LIPC: variants seen among roughly 807,000 people sequenced by gnomAD.
The protein encoded by LIPC is hepatic triacylglycerol lipase.
A neutral mutation model predicts 50.7 loss-of-function variants in LIPC; 44 were observed. The ratio of observed to expected loss-of-function variants is 0.87; its 90% CI spans 0.68 to 1.11. The LOEUF (loss-of-function observed/expected upper bound fraction) is 1.11. LIPC is among the 50% of genes most tolerant of loss of function. The pLI is 0.00. For missense variants in LIPC, 697 were observed against 648.2 expected, an observed-to-expected ratio of 1.08 and a Z score of -0.82; for synonymous variants, 271 against 256.4, an observed-to-expected ratio of 1.06 and a Z score of -0.54.
At chr15:58,512,931 A>G (rs1383879096) in intron 1 of LIPC, among the ~76,000 whole-genome samples, 2 of 151,686 alleles carry the variant, frequency 1.3e-5, no homozygotes, top group East Asian at 1.9e-4. Flanking sequence ...TTTCATCTCC[A>G]TTATATTGGG....
At chr15:58,543,278 T>C (rs1432932178) in intron 4 of LIPC, among the ~76,000 whole-genome samples, 3 of 151,900 alleles carry the variant, frequency 2.0e-5, no homozygotes, top group Non-Finnish European at 2.9e-5. Context: ...GCTGGTGAGA[T>C]TGTTCCCCAG....
At chr15:58,499,988 C>T (rs1566930583) in intron 1 of LIPC, among the ~76,000 whole-genome samples, 1 of 152,060 alleles carries the variant, frequency 6.6e-6, no homozygotes, top group Non-Finnish European at 1.5e-5. Context: ...AGATCCAGAA[C>T]TTGTGTCCAG....
intron 1 of LIPC, among the ~76,000 whole-genome samples, chr15:58,464,518 C>T (rs1452911361): frequency 3.3e-5 from 5 of 152,242 alleles, no homozygotes; most frequent in African/African-American, 1.2e-4. Context: ...AGCATCAGAG[C>T]TCCATTCTTT....
At chr15:58,486,324 G>C (rs558198643) in intron 1 of LIPC, among the ~76,000 whole-genome samples, 1 of 152,270 alleles carries the variant, frequency 6.6e-6, no homozygotes, top group South Asian at 2.1e-4. Context: ...CGGATGTTCT[G>C]GTTTGTGGGA....
intron 1 of LIPC, among the ~76,000 whole-genome samples, chr15:58,520,203 T>C (rs551832406): frequency 3.7e-4 from 55 of 150,676 alleles, no homozygotes; most frequent in Non-Finnish European, 6.3e-4. Context: ...GAAACCTTCC[T>C]ACAAACAGAA....
At position 58,568,982 on chromosome 15, in the gene LIPC, GC is replaced by G. The variant is rs1894475088; in HGVS notation, c.*156del. 1.9e-6 allele frequency: 1 copy of G among 531,890 alleles called. No individual in the cohort carries two copies. Among genetic ancestry groups the G allele is most frequent in the Admixed American group, 3.4e-5 (1 of 29,352 alleles). 32.9% of individuals were successfully genotyped at this position (531,890 alleles called of 1,614,324 possible). A position where few individuals can be genotyped will look rare whatever the true frequency, so the allele number is the denominator to read the frequency against. The stretch of plus-strand genomic sequence containing the variant: ...GGTATGTTTCACTCTCATAAACTGA[GC>G]TTTTAAAAACGATATGATATAACTA... On this transcript the variant is annotated 3_prime_UTR_variant, in exon 9 of 9. Transcript: ENST00000299022.
At chr15:58,482,263 G>C (rs567502301) in intron 1 of LIPC, among the ~76,000 whole-genome samples, 1 of 152,238 alleles carries the variant, frequency 6.6e-6, no homozygotes, top group East Asian at 1.9e-4. Context: ...GCCCTTTTTA[G>C]AGACAGTCCA....
chr15:58,472,983 G>T (rs114296273), intron 1 of LIPC, among the ~76,000 whole-genome samples: 21 of 152,168 alleles, frequency 1.4e-4, no homozygotes, highest in African/African-American at 4.8e-4. Context: ...GCATGGTTTT[G>T]TTAACTTTGA....
intron 1 of LIPC, among the ~76,000 whole-genome samples, chr15:58,496,706 C>A (rs887505859): frequency 7.1e-6 from 1 of 140,542 alleles, no homozygotes; most frequent in South Asian, 2.3e-4. Context: ...CAAAATTAAG[C>A]AGAGAACCCA....
At chr15:58,452,957 T>C (rs1194006017) in intron 1 of LIPC, among the ~76,000 whole-genome samples, 1 of 152,192 alleles carries the variant, frequency 6.6e-6, no homozygotes, top group African/African-American at 2.4e-5. Context: ...CTGAGGGCCC[T>C]ATCGGTGTGA....
chr15:58,475,358 C>G (rs546971012), intron 1 of LIPC, among the ~76,000 whole-genome samples: 2 of 152,346 alleles, frequency 1.3e-5, no homozygotes, highest in South Asian at 4.1e-4. Flanking sequence ...TCTGTGGCCT[C>G]CATAGAAAAG....
chr15:58,477,206 A>G (rs1042847604), intron 1 of LIPC, among the ~76,000 whole-genome samples: 1 of 152,196 alleles, frequency 6.6e-6, no homozygotes, highest in African/African-American at 2.4e-5. Context: ...GCTATCTCCT[A>G]CCTTTTTAAA....
intron 1 of LIPC, among the ~76,000 whole-genome samples, chr15:58,444,604 TTC>T (rs2140653447): frequency 6.6e-6 from 1 of 152,248 alleles, no homozygotes; most frequent in South Asian, 2.1e-4. Flanking sequence ...GCTGCGTCTC[TTC>T]TGTCTGCACA....
At chr15:58,459,540 C>G (rs1894262044) in intron 1 of LIPC, among the ~76,000 whole-genome samples, 1 of 152,012 alleles carries the variant, frequency 6.6e-6, no homozygotes. Flanking sequence ...CCACCCGCTC[C>G]TGAAAACAGA....
chr15:58,559,908 A>G (rs1455131471), intron 6 of LIPC, among the ~76,000 whole-genome samples: 4 of 152,152 alleles, frequency 2.6e-5, no homozygotes, highest in African/African-American at 9.7e-5. Context: ...CAAGCTAAGC[A>G]AACACCATCT....
At chr15:58,555,255 A>C (rs1009341787) in intron 6 of LIPC, among the ~76,000 whole-genome samples, 9 of 152,336 alleles carry the variant, frequency 5.9e-5, no homozygotes, top group Middle Eastern at 3.4e-3. Flanking sequence ...CGCCAAGACA[A>C]GGGCATGAAA....
chr15:58,554,601 GTAAA>G (rs1264409141), intron 6 of LIPC, among the ~76,000 whole-genome samples: 3 of 150,190 alleles, frequency 2.0e-5, no homozygotes, highest in Non-Finnish European at 4.4e-5. Context: ...CCAAATAAGA[GTAAA>G]TAATTAGGAC....
At chr15:58,516,974 C>A (rs1251927384) in intron 1 of LIPC, among the ~76,000 whole-genome samples, 1 of 152,162 alleles carries the variant, frequency 6.6e-6, no homozygotes, top group Non-Finnish European at 1.5e-5. Context: ...TCCTGGGGTG[C>A]AGTTAAATTA....
chr15:58,520,707 G>A (rs1442062922), intron 1 of LIPC, among the ~76,000 whole-genome samples: 8 of 152,196 alleles, frequency 5.3e-5, no homozygotes, highest in Non-Finnish European at 1.0e-4. Flanking sequence ...CCCTTCTAGA[G>A]ATTAAATTCA....
Sources: gnomAD v4.1 joint callset for allele counts (sites outside exome capture counted in the v4.1 genomes callset) on GRCh38, gnomAD v4.1.1 for gene constraint, MANE v1.5 for transcripts, NCBI Gene and HGNC (gene_info 2026-07-23, HGNC 2026-07-21) for gene names.